The following FGF14 variants were observed in gnomAD, a reference collection of about 807,000 sequenced individuals.
FGF14 encodes the protein fibroblast growth factor homologous factor 4.
In FGF14, 5 loss-of-function variants were observed where a neutral mutation model predicts 25.5. The observed-to-expected ratio is 0.20, with a 90% CI of 0.10 to 0.41. FGF14 has a LOEUF of 0.41. Among genes scored for constraint, FGF14 ranks in the 10% least tolerant of loss-of-function variants. The probability of loss-of-function intolerance (pLI) is 1.00; values close to 1 mark genes in which losing one functional copy is unlikely to be tolerated. For missense variants in FGF14, 222 were observed against 320.1 expected (o/e 0.69, Z 2.34); for synonymous variants, 138 against 118.3 (o/e 1.17, Z -1.08).
chr13:102,141,521 T>C (rs984818782), intron 1 of FGF14, among the ~76,000 whole-genome samples: 5 of 152,212 alleles, frequency 3.3e-5, no homozygotes, highest in African/African-American at 1.2e-4. Flanking sequence ...GTACTTACTT[T>C]TTCTCAAAGA....
At chr13:101,839,283 T>G (rs2043085348) in intron 3 of FGF14, among the ~76,000 whole-genome samples, 5 of 152,074 alleles carry the variant, frequency 3.3e-5, no homozygotes. Flanking sequence ...CTAGCAATCA[T>G]GGCCCATGTG....
At chr13:102,101,031 G>A (rs1311974803) in intron 1 of FGF14, among the ~76,000 whole-genome samples, 4 of 152,080 alleles carry the variant, frequency 2.6e-5, no homozygotes, top group South Asian at 2.1e-4. Context: ...CCCGGGAGGC[G>A]GAGGTTGCAG....
intron 1 of FGF14, among the ~76,000 whole-genome samples, chr13:102,353,353 TTGG>T (rs1235559849): frequency 6.6e-6 from 1 of 152,188 alleles, no homozygotes; most frequent in African/African-American, 2.4e-5. Context: ...TCTAAAATAC[TTGG>T]TGATCTCATC....
chr13:101,733,676 T>G (rs2035976484), intron 3 of FGF14, among the ~76,000 whole-genome samples: 1 of 151,406 alleles, frequency 6.6e-6, no homozygotes, highest in African/African-American at 2.4e-5. Flanking sequence ...TAAGTATATT[T>G]CTACCAACAA....
At chr13:101,993,499 C>A (rs2039015660) in intron 1 of FGF14, among the ~76,000 whole-genome samples, 1 of 151,780 alleles carries the variant, frequency 6.6e-6, no homozygotes, top group Non-Finnish European at 1.5e-5. Flanking sequence ...TTTTTAGCAA[C>A]AAATAGATGA....
intron 1 of FGF14, among the ~76,000 whole-genome samples, chr13:101,954,767 AC>A (rs2036409226): frequency 6.6e-6 from 1 of 152,204 alleles, no homozygotes; most frequent in Non-Finnish European, 1.5e-5. Flanking sequence ...AGATAAGCAA[AC>A]ATTAGAGGTA....
upstream of FGF14, among the ~76,000 whole-genome samples, chr13:101,921,727 C>T (rs1020592642): frequency 2.0e-5 from 3 of 152,140 alleles, no homozygotes; most frequent in Non-Finnish European, 4.4e-5. Flanking sequence ...TGTTCTCTGA[C>T]ATCATCTCTA....
In FGF14 at chr13:101,922,972, G is replaced by A. The variant is rs1211603079; in HGVS notation, c.209-47676C>T. ...TTTCCTTCATTTCTGCCATTGCCAC[G>A]GCCACTATTTCGCCTTTCCTAAATT... On this transcript the variant is annotated intron_variant, in intron 1 of 4. Coordinates refer to the FGF14 transcript ENST00000376131. Among the ~76,000 whole-genome samples, 6 of 151,724 alleles carry A rather than the reference G, an allele frequency of 4.0e-5. 1 individual carries two copies. The East Asian group carries it at 7.7e-4, about 20-fold the overall frequency.
chr13:101,812,129 T>A (rs2140185482), intron 3 of FGF14, among the ~76,000 whole-genome samples: 1 of 152,242 alleles, frequency 6.6e-6, no homozygotes, highest in Middle Eastern at 3.4e-3. Context: ...AAAAAAGAGA[T>A]GAAAAGATGT....
At chr13:101,813,542 A>T (rs748032292) in intron 3 of FGF14, among the ~76,000 whole-genome samples, 1 of 152,154 alleles carries the variant, frequency 6.6e-6, no homozygotes, top group East Asian at 1.9e-4. Flanking sequence ...CAGCCCCTAG[A>T]ATGGCAAAAA....
At chr13:102,329,785 C>T (rs2056577511) in intron 1 of FGF14, among the ~76,000 whole-genome samples, 1 of 152,066 alleles carries the variant, frequency 6.6e-6, no homozygotes, top group Admixed American at 6.6e-5. Context: ...TAATCTTAAC[C>T]CTACCATGTT....
chr13:102,060,473 C>T (rs1264165947), intron 1 of FGF14, among the ~76,000 whole-genome samples: 1 of 152,302 alleles, frequency 6.6e-6, no homozygotes, highest in East Asian at 1.9e-4. Context: ...TTGCAGTGAG[C>T]CGAGATCGCG....
At chr13:101,729,392 G>T (rs1276554762) in intron 3 of FGF14, among the ~76,000 whole-genome samples, 4 of 152,132 alleles carry the variant, frequency 2.6e-5, no homozygotes, top group African/African-American at 4.8e-5. Context: ...ACCAATGGAA[G>T]TTGAGGTTAG....
intron 1 of FGF14, among the ~76,000 whole-genome samples, chr13:101,926,561 T>C (rs1334577694): frequency 6.6e-6 from 1 of 152,220 alleles, no homozygotes; most frequent in Non-Finnish European, 1.5e-5. Flanking sequence ...CCCCAGTGAA[T>C]TGTGAGAATG....
chr13:102,059,159 A>C (rs1457548209), intron 1 of FGF14, among the ~76,000 whole-genome samples: 2 of 152,200 alleles, frequency 1.3e-5, no homozygotes, highest in African/African-American at 2.4e-5. Context: ...ATGAGATTGA[A>C]GAAGGAAATG....
At chr13:102,060,402 T>C (rs2042629893) in intron 1 of FGF14, among the ~76,000 whole-genome samples, 2 of 152,052 alleles carry the variant, frequency 1.3e-5, no homozygotes, top group African/African-American at 4.8e-5. Context: ...GGCGGGCGCC[T>C]GTAGTCCCAG....
chr13:102,231,067 T>C (rs2051064461), intron 1 of FGF14, among the ~76,000 whole-genome samples: 1 of 152,238 alleles, frequency 6.6e-6, no homozygotes, highest in Admixed American at 6.5e-5. Flanking sequence ...CTTTTCTTTT[T>C]TGTCTATAAT....
chr13:101,942,471 C>T (rs2035518094), intron 1 of FGF14, among the ~76,000 whole-genome samples: 1 of 152,084 alleles, frequency 6.6e-6, no homozygotes, highest in East Asian at 1.9e-4. Context: ...TTGATTTTGT[C>T]TTTTTAATTT....
At chr13:101,839,894 C>T (rs889645437) in intron 3 of FGF14, among the ~76,000 whole-genome samples, 2 of 151,944 alleles carry the variant, frequency 1.3e-5, no homozygotes, top group South Asian at 2.1e-4. Flanking sequence ...AGAAATAAGG[C>T]TAGAACCTAC....
Sources: gnomAD v4.1 joint callset for allele counts (sites outside exome capture counted in the v4.1 genomes callset) on GRCh38, gnomAD v4.1.1 for gene constraint, MANE v1.5 for transcripts, NCBI Gene and HGNC (gene_info 2026-07-23, HGNC 2026-07-21) for gene names.